Variants in KIRREL3 observed in about 807,000 individuals in gnomAD.
KIRREL3 encodes kin of IRRE-like protein 3.
A neutral mutation model predicts 89.7 loss-of-function variants in KIRREL3; 36 were observed. The ratio of observed to expected loss-of-function variants is 0.40; its 90% CI spans 0.31 to 0.53. The LOEUF (loss-of-function observed/expected upper bound fraction) is 0.53. KIRREL3 is among the 20% of genes least tolerant of loss of function. The probability of loss-of-function intolerance (pLI) is 0.49; values close to 1 mark genes in which losing one functional copy is unlikely to be tolerated. For synonymous variants in KIRREL3, 445 were observed against 441.4 expected (o/e 1.01, Z -0.10); for missense variants, 864 against 1,056.6 (o/e 0.82, Z 2.53).
chr11:126,658,697 A>T (rs1945265311), intron 1 of KIRREL3, among the ~76,000 whole-genome samples: 1 of 152,230 alleles, frequency 6.6e-6, no homozygotes, highest in South Asian at 2.1e-4. Context: ...TTAAGGTGCC[A>T]TATCAACAGC....
At position 126,490,815 on chromosome 11, in the gene KIRREL3, G is replaced by A. The variant is rs1957491209; in HGVS notation, c.434-17349C>T. Among the ~76,000 whole-genome samples, 1 of 152,118 alleles carries A rather than the reference G, an allele frequency of 6.6e-6. No homozygotes were observed. The highest frequency in any genetic ancestry group is 1.9e-4 in the East Asian group (1 of 5,182). On this transcript the variant is annotated intron_variant, in intron 4 of 16. Coordinates refer to ENST00000525144, the MANE Select transcript of KIRREL3 (RefSeq NM_032531.4). This position sits in a 1 kb window ranked among gnomAD's most constrained non-coding sequence, Gnocchi z 4.2. ...TTGCGAGTCTGGGACTCCAAGGGCC[G>A]AGCAGAGCCGGCAGTAGCATTTGGA... is the stretch of plus-strand genomic sequence containing the variant.
At chr11:126,442,632 T>C (rs2134184073) in intron 10 of KIRREL3, among the ~76,000 whole-genome samples, 1 of 152,272 alleles carries the variant, frequency 6.6e-6, no homozygotes, top group African/African-American at 2.4e-5. Flanking sequence ...CTGATCTCAT[T>C]TGAATGCTTT....
Position 126,635,346 on chromosome 11 carries a change from T to C in KIRREL3, c.56-72434A>G, listed in dbSNP as rs1237201680. On this transcript the variant is annotated intron_variant, in intron 1 of 16. Transcript: ENST00000525144. The surrounding 1 kb of genome is among the most constrained non-coding windows in gnomAD (Gnocchi z 4.0). ...CATGTTTTTCCTCCCTGGTCCCACATAGGTGAGTGATATATACAGAGGTTA... is the reference window on the plus strand; with the variant it reads ...CATGTTTTTCCTCCCTGGTCCCACACAGGTGAGTGATATATACAGAGGTTA... Among the ~76,000 whole-genome samples the C allele has an allele frequency of 6.6e-6, 1 of 152,168 alleles. No homozygotes were observed. The highest frequency in any genetic ancestry group is 1.5e-5 in the Non-Finnish European group (1 of 68,026).
intron 1 of KIRREL3, among the ~76,000 whole-genome samples, chr11:126,901,530 G>T (rs542094184): frequency 6.6e-6 from 1 of 152,292 alleles, no homozygotes; most frequent in South Asian, 2.1e-4. Context: ...AGTGAGCAAC[G>T]ATGGAGGATA....
intron 1 of KIRREL3, among the ~76,000 whole-genome samples, chr11:126,633,962 A>T (rs1944158536): frequency 6.6e-6 from 1 of 152,060 alleles, no homozygotes; most frequent in Non-Finnish European, 1.5e-5. Context: ...AGTATTTCTT[A>T]CCTCCTTCCA....
intron 5 of KIRREL3, among the ~76,000 whole-genome samples, chr11:126,470,642 T>C (rs1227109641): frequency 6.6e-6 from 1 of 152,172 alleles, no homozygotes; most frequent in Non-Finnish European, 1.5e-5. Flanking sequence ...GGCCGTGTAT[T>C]TCCCCAGTCT....
At chr11:126,927,803 A>C (rs1325368796) in intron 1 of KIRREL3, among the ~76,000 whole-genome samples, 1 of 152,206 alleles carries the variant, frequency 6.6e-6, no homozygotes. Context: ...CTCTTCTTAG[A>C]AGGTGTGGCC....
At chr11:126,841,213 T>C (rs1368807015) in intron 1 of KIRREL3, among the ~76,000 whole-genome samples, 1 of 152,174 alleles carries the variant, frequency 6.6e-6, no homozygotes, top group Non-Finnish European at 1.5e-5. Flanking sequence ...TCCTCTTGCA[T>C]ATTCTGTTCC....
Position 126,455,307 on chromosome 11 carries a change from T to C in KIRREL3, c.848+1042A>G, listed in dbSNP as rs1276626571. Among the ~76,000 whole-genome samples, 4 of 152,216 alleles carry C rather than the reference T, an allele frequency of 2.6e-5. No homozygotes were observed. Among genetic ancestry groups the C allele is most frequent in the African/African-American group, 9.7e-5 (4 of 41,448 alleles). ...GGTCACTTAGTCTCCTAGAGTCTTG[T>C]GCAGTGACAGTGCCCAGGCAGAAAG... On this transcript the variant is annotated intron_variant, in intron 7 of 16. Transcript: ENST00000525144. This position sits in a 1 kb window ranked among gnomAD's most constrained non-coding sequence, Gnocchi z 6.4.
rs1286906901 is a variant in KIRREL3, at chr11:126,496,524, C to A, written c.434-23058G>T. Among the ~76,000 whole-genome samples the A allele has an allele frequency of 6.6e-6, 1 of 152,036 alleles. No individual in the cohort carries two copies. The highest frequency in any genetic ancestry group is 1.5e-5 in the Non-Finnish European group (1 of 68,010). On this transcript the variant is annotated intron_variant, in intron 4 of 16. Transcript: ENST00000525144. This position sits in a 1 kb window ranked among gnomAD's most constrained non-coding sequence, Gnocchi z 4.9. Reference sequence around the variant, plus strand: ...TTCTCACTCCCTTCACAAATGAGAACCCAAGGTGTTGGCCAAGTTTGGAGG... The same window carrying A: ...TTCTCACTCCCTTCACAAATGAGAAACCAAGGTGTTGGCCAAGTTTGGAGG...
At chr11:126,923,898 T>A (rs1050832978) in intron 1 of KIRREL3, among the ~76,000 whole-genome samples, 1 of 152,226 alleles carries the variant, frequency 6.6e-6, no homozygotes, top group Non-Finnish European at 1.5e-5. Flanking sequence ...CCAGCTCAAA[T>A]GTGTCCAAAG....
At chr11:126,699,377 C>A (rs1947225365) in intron 1 of KIRREL3, among the ~76,000 whole-genome samples, 2 of 152,330 alleles carry the variant, frequency 1.3e-5, no homozygotes, top group South Asian at 4.1e-4. Context: ...CCACAAGGTG[C>A]AGTAAAGGCT....
intron 1 of KIRREL3, among the ~76,000 whole-genome samples, chr11:126,680,521 C>G (rs572044621): frequency 6.6e-6 from 1 of 152,222 alleles, no homozygotes; most frequent in South Asian, 2.1e-4. Flanking sequence ...GTCTTCCCCT[C>G]CCTCTTATGC....
intron 1 of KIRREL3, among the ~76,000 whole-genome samples, chr11:126,629,618 T>C (rs1280826898): frequency 6.6e-6 from 1 of 152,200 alleles, no homozygotes; most frequent in Non-Finnish European, 1.5e-5. Context: ...GCTGTGTGGA[T>C]TCCAGCAGCA....
In KIRREL3 at chr11:126,905,822, T is replaced by C. The variant is rs1946561372; in HGVS notation, c.55+94633A>G. Among the ~76,000 whole-genome samples the C allele has an allele frequency of 6.6e-6, 1 of 152,112 alleles. No individual in the cohort carries two copies. The highest frequency in any genetic ancestry group is 1.5e-5 in the Non-Finnish European group (1 of 68,004). On this transcript the variant is annotated intron_variant, in intron 1 of 16. Coordinates refer to ENST00000525144, the MANE Select transcript of KIRREL3 (RefSeq NM_032531.4). This position sits in a 1 kb window ranked among gnomAD's most constrained non-coding sequence, Gnocchi z 5.0. ...CGAGCACACTGGGGAGAGCCTCCAG[T>C]GGGGACATGACTCCCCAAAGCACTT...
Position 126,530,611 on chromosome 11 carries a change from G to A in KIRREL3, c.134-3924C>T, listed in dbSNP as rs140969598. 2.9e-3 allele frequency among the ~76,000 whole-genome samples: 444 copies of A among 152,242 alleles called. 3 individuals are homozygous for A. The highest frequency in any genetic ancestry group is 9.7e-3 in the African/African-American group (403 of 41,538). On this transcript the variant is annotated intron_variant, in intron 2 of 16. Transcript: ENST00000525144. The surrounding 1 kb of genome is among the most constrained non-coding windows in gnomAD (Gnocchi z 5.8). ...GGCCTGGCCACCCCTCCAGGAGCTC[G>A]CAGCTGTGCCCCCTCCCCATCACAC...
Position 126,981,117 on chromosome 11 carries a change from G to A in KIRREL3, c.55+19338C>T, listed in dbSNP as rs1949709143. On this transcript the variant is annotated intron_variant, in intron 1 of 16. Transcript: ENST00000525144. The surrounding 1 kb of genome is among the most constrained non-coding windows in gnomAD (Gnocchi z 4.2). ...ATTGGCCTGAAAGCCTTGATGCTGA[G>A]TTCTAGATATTTGAAGCCTAATACC... is the stretch of plus-strand genomic sequence containing the variant. 6.6e-6 allele frequency among the ~76,000 whole-genome samples: 1 copy of A among 152,192 alleles called. No individual in the cohort carries two copies. Among genetic ancestry groups the A allele is most frequent in the African/African-American group, 2.4e-5 (1 of 41,444 alleles).
chr11:126,675,479 G>A lies in KIRREL3; in HGVS notation c.56-112567C>T, dbSNP rs34021767. Among the ~76,000 whole-genome samples the A allele has an allele frequency of 3.4e-3, 521 of 152,336 alleles. 4 individuals carry two copies. Among genetic ancestry groups the A allele is most frequent in the Non-Finnish European group, 5.3e-3 (361 of 68,026 alleles). On this transcript the variant is annotated intron_variant, in intron 1 of 16. Coordinates refer to ENST00000525144, the MANE Select transcript of KIRREL3 (RefSeq NM_032531.4). ...ACGTGGAGCTGAGAGATGGAGTTAGGTAGTAGGGAGTGAAGTTTGTTATGA... is the reference window on the plus strand; with the variant it reads ...ACGTGGAGCTGAGAGATGGAGTTAGATAGTAGGGAGTGAAGTTTGTTATGA...
rs1489979790 is a variant in KIRREL3, at chr11:126,776,512, G to T, written c.56-213600C>A. Among the ~76,000 whole-genome samples, 1 of 152,174 alleles carries T rather than the reference G, an allele frequency of 6.6e-6. No homozygotes were observed. The highest frequency in any genetic ancestry group is 1.5e-5 in the Non-Finnish European group (1 of 68,034). On this transcript the variant is annotated intron_variant, in intron 1 of 16. Transcript: ENST00000525144. The surrounding 1 kb of genome is among the most constrained non-coding windows in gnomAD (Gnocchi z 4.7). ...TGCTGCAGGACACTGGCTGCAGACAGGTCTCTACTAGGTGTCAGAGCCGTC... is the reference window on the plus strand; with the variant it reads ...TGCTGCAGGACACTGGCTGCAGACATGTCTCTACTAGGTGTCAGAGCCGTC...
Sources: gnomAD v4.1 joint callset for allele counts (sites outside exome capture counted in the v4.1 genomes callset) on GRCh38, gnomAD v4.1.1 for gene constraint, Gnocchi (gnomAD v3.1) non-coding constraint, MANE v1.5 for transcripts, NCBI Gene and HGNC (gene_info 2026-07-23, HGNC 2026-07-21) for gene names.